The following RGS6 variants were observed in gnomAD, a reference collection of about 807,000 sequenced individuals.
The protein encoded by RGS6 is regulator of G protein signaling 6.
In RGS6, 30 loss-of-function variants were observed where a neutral mutation model predicts 78.5. The ratio of observed to expected loss-of-function variants is 0.38; its 90% CI spans 0.29 to 0.52. The LOEUF (loss-of-function observed/expected upper bound fraction) is 0.52, where lower values mean the gene tolerates loss of function less well. Ranked by LOEUF, RGS6 falls within the 20% of genes least tolerant of loss-of-function variation. RGS6 has a pLI of 0.85. For synonymous variants in RGS6, 206 were observed against 206.0 expected, an observed-to-expected ratio of 1.00 and a Z score of 0.00; for missense variants, 495 against 609.7, an observed-to-expected ratio of 0.81 and a Z score of 1.98.
At chr14:72,558,415 A>C (rs1487213368) in intron 17 of RGS6, among the ~76,000 whole-genome samples, 1 of 152,124 alleles carries the variant, frequency 6.6e-6, no homozygotes, top group East Asian at 1.9e-4. Flanking sequence ...CCAAAGAAAG[A>C]GTTTAGCATC....
intron 1 of RGS6, among the ~76,000 whole-genome samples, chr14:71,939,019 G>T (rs1350112620): frequency 6.6e-6 from 1 of 152,174 alleles, no homozygotes; most frequent in African/African-American, 2.4e-5. Flanking sequence ...TATGTCCCAA[G>T]TGGCAGAGCA....
chr14:72,295,256 A>C (rs1347045213), intron 2 of RGS6, among the ~76,000 whole-genome samples: 1 of 148,738 alleles, frequency 6.7e-6, no homozygotes, highest in South Asian at 2.1e-4. Context: ...CCGCCACTGC[A>C]CTCCAGCCTG....
At chr14:72,603,627 A>C in the RGS6 span, among the ~76,000 whole-genome samples, 5 of 152,232 alleles carry the variant, frequency 3.3e-5, no homozygotes, top group African/African-American at 1.2e-4. Context: ...TCAAAGAGCT[A>C]GTCTGATCAG....
chr14:72,446,572 G>C (rs1219991464), intron 3 of RGS6, among the ~76,000 whole-genome samples: 2 of 152,102 alleles, frequency 1.3e-5, no homozygotes, highest in Admixed American at 6.5e-5. Context: ...GTTTTTCCAC[G>C]GACCAGGGTT....
chr14:72,479,905 G>C (rs764452574), intron 12 of RGS6, among the ~76,000 whole-genome samples: 36 of 152,244 alleles, frequency 2.4e-4, no homozygotes, highest in South Asian at 2.1e-4. Flanking sequence ...TTTGAGGGTC[G>C]GTGTGCTAGC....
chr14:72,313,574 C>T (rs962747705), intron 2 of RGS6, among the ~76,000 whole-genome samples: 4 of 152,192 alleles, frequency 2.6e-5, no homozygotes, highest in African/African-American at 7.2e-5. Flanking sequence ...GTTAAATTGC[C>T]GCTTCTCTTT....
chr14:72,118,852 T>C (rs2095975320), intron 2 of RGS6, among the ~76,000 whole-genome samples: 1 of 152,226 alleles, frequency 6.6e-6, no homozygotes, highest in Non-Finnish European at 1.5e-5. Context: ...GTGGTTTTGG[T>C]GTTGAAAGAG....
chr14:72,420,447 C>T (rs1406123559), intron 3 of RGS6, among the ~76,000 whole-genome samples: 3 of 152,200 alleles, frequency 2.0e-5, no homozygotes, highest in Admixed American at 2.0e-4. Flanking sequence ...GGCTTAATTA[C>T]ACTTTTTAAT....
chr14:72,013,497 A>G (rs1420204501), intron 2 of RGS6, among the ~76,000 whole-genome samples: 1 of 152,144 alleles, frequency 6.6e-6, no homozygotes, highest in African/African-American at 2.4e-5. Flanking sequence ...AGATTCATAT[A>G]TTGACAAATG....
intron 2 of RGS6, among the ~76,000 whole-genome samples, chr14:72,028,643 A>G (rs757515137): frequency 6.6e-6 from 1 of 152,220 alleles, no homozygotes; most frequent in African/African-American, 2.4e-5. Context: ...ATGTCAGCAC[A>G]TGGAGACCTT....
the RGS6 span, among the ~76,000 whole-genome samples, chr14:71,874,222 T>G: frequency 6.6e-6 from 1 of 152,068 alleles, no homozygotes; most frequent in Admixed American, 6.6e-5. Flanking sequence ...AATCTGTAAA[T>G]TACCTTGGGC....
chr14:72,526,277 GT>G (rs3216325), intron 15 of RGS6, among the ~76,000 whole-genome samples: 29,787 of 150,494 alleles, frequency 0.2, 3,719 homozygotes, highest in African/African-American at 0.36. Context: ...CTAATTTTTT[GT>G]TTTTTTTTAG....
chr14:72,064,837 C>A (rs1397752829), intron 2 of RGS6, among the ~76,000 whole-genome samples: 8 of 152,098 alleles, frequency 5.3e-5, no homozygotes, highest in Non-Finnish European at 8.8e-5. Flanking sequence ...TCTTGAGAAG[C>A]ATCAGTGATT....
At chr14:71,877,600 G>A in the RGS6 span, among the ~76,000 whole-genome samples, 1 of 152,090 alleles carries the variant, frequency 6.6e-6, no homozygotes, top group African/African-American at 2.4e-5. Flanking sequence ...AAGGTTTTTA[G>A]CTTCTTTGCC....
intron 13 of RGS6, among the ~76,000 whole-genome samples, chr14:72,500,022 G>A (rs750512768): frequency 3.3e-5 from 5 of 152,242 alleles, no homozygotes; most frequent in Non-Finnish European, 5.9e-5. Context: ...AAGGAGGAGA[G>A]GCAAATGTGT....
intron 2 of RGS6, among the ~76,000 whole-genome samples, chr14:72,019,013 A>G (rs1415165208): frequency 6.6e-6 from 1 of 152,160 alleles, no homozygotes; most frequent in Non-Finnish European, 1.5e-5. Context: ...AAATTTCAAT[A>G]TTGAAAAGAT....
chr14:72,046,609 C>A (rs1028830221), intron 2 of RGS6, among the ~76,000 whole-genome samples: 2 of 151,782 alleles, frequency 1.3e-5, no homozygotes, highest in South Asian at 2.1e-4. Flanking sequence ...TCTTCCTCCC[C>A]CTCCTTTCCT....
At chr14:72,221,835 A>AG (rs1478544645) in intron 2 of RGS6, among the ~76,000 whole-genome samples, 2 of 152,226 alleles carry the variant, frequency 1.3e-5, no homozygotes, top group African/African-American at 4.8e-5. Flanking sequence ...TAGTTGGCTT[A>AG]GGCCAGTAGG....
At chr14:72,200,439 C>T (rs547221608) in intron 2 of RGS6, among the ~76,000 whole-genome samples, 2 of 152,356 alleles carry the variant, frequency 1.3e-5, no homozygotes, top group Non-Finnish European at 1.5e-5. Context: ...TTTAAGTTCA[C>T]TTCATTTGTC....
Sources: allele counts gnomAD v4.1 joint callset (sites outside exome capture counted in the v4.1 genomes callset), GRCh38; gene constraint gnomAD v4.1.1; transcripts MANE v1.5; gene names NCBI Gene and HGNC (gene_info 2026-07-23, HGNC 2026-07-21).